Variants in QRFPR observed in about 807,000 individuals in gnomAD.
The protein encoded by QRFPR is pyroglutamylated RFamide peptide receptor.
QRFPR carries 37 observed loss-of-function variants against 31.3 expected under a neutral mutation model. The observed-to-expected ratio is 1.18, with a 90% CI of 0.91 to 1.56. QRFPR has a LOEUF of 1.56. Ranked by LOEUF, QRFPR falls within the 40% of genes most tolerant of loss-of-function variation. The probability of loss-of-function intolerance (pLI) is 0.00; values close to 1 mark genes in which losing one functional copy is unlikely to be tolerated. For missense variants in QRFPR, 542 were observed against 532.5 expected (o/e 1.02, Z -0.18); for synonymous variants, 197 against 192.0 (o/e 1.03, Z -0.22).
intron 1 of QRFPR, among the ~76,000 whole-genome samples, chr4:121,379,502 C>G (rs1726426743): frequency 6.6e-6 from 1 of 152,194 alleles, no homozygotes; most frequent in African/African-American, 2.4e-5. Flanking sequence ...TGGGTTTACA[C>G]CAGGGCATTC....
intron 4 of QRFPR, among the ~76,000 whole-genome samples, chr4:121,331,045 T>G (rs1182701080): frequency 1.3e-5 from 2 of 151,880 alleles, no homozygotes; most frequent in Non-Finnish European, 2.9e-5. Flanking sequence ...GCAGGAGAAT[T>G]TAGTGAGTCC....
In QRFPR at chr4:121,329,501, A is replaced by G; in HGVS notation, c.1109T>C (p.Met370Thr). 1 of 1,614,138 alleles carries G rather than the reference A, an allele frequency of 6.2e-7. No homozygotes were observed. The highest frequency in any genetic ancestry group is 8.5e-7 in the Non-Finnish European group (1 of 1,179,996). ...GAGGGAAAACTTTGCTTTCTTCCGC[A>G]TCATTGTAATTCCTGAATTTCCATG... The part of the protein sequence containing the change: ...QRHGNSGITM[M>T]RKKAKFSLRE... Residue 370 changes from methionine to threonine, a missense_variant, in exon 6 of 6, where the codon ATG becomes ACG. Physicochemically the swap from Met to Thr is moderately conservative, Grantham distance 81. Coordinates refer to ENST00000394427, the MANE Select transcript of QRFPR (RefSeq NM_198179.3).
At position 121,352,380 on chromosome 4, in the gene QRFPR, G is replaced by C. The variant is rs1269356064; in HGVS notation, c.341-11770C>G. 6.6e-5 allele frequency among the ~76,000 whole-genome samples: 10 copies of C among 151,980 alleles called. 1 individual carries two copies. Among genetic ancestry groups the C allele is most frequent in the Admixed American group, 6.6e-4 (10 of 15,244 alleles). ...TGTCACTTTGGCAAATAAGATGACT[G>C]CAGTATCTCCAAGCACTGCATCTCA... On this transcript the variant is annotated intron_variant, in intron 1 of 5. Coordinates refer to ENST00000394427, the MANE Select transcript of QRFPR (RefSeq NM_198179.3).
In QRFPR at chr4:121,340,628, G is replaced by T. The variant is rs1487646584; in HGVS notation, c.341-18C>A. 1.9e-6 allele frequency: 3 copies of T among 1,606,504 alleles called. No homozygotes were observed. Among genetic ancestry groups the T allele is most frequent in the Non-Finnish European group, 2.6e-6 (3 of 1,174,422 alleles). On this transcript the variant is annotated intron_variant, in intron 1 of 5. Transcript: ENST00000394427. ...GAAAGCACCTGCAGTAAGGAAATAG[G>T]ACAAATCATACATCAAAACAAAAAG...
intron 3 of QRFPR, among the ~76,000 whole-genome samples, chr4:121,335,313 G>A (rs909923489): frequency 5.3e-5 from 8 of 152,064 alleles, no homozygotes; most frequent in African/African-American, 1.4e-4. Context: ...TAGAACTAGA[G>A]TGAATCATTA....
intron 1 of QRFPR, among the ~76,000 whole-genome samples, chr4:121,340,879 GA>G (rs34321876): frequency 1.3e-5 from 2 of 152,196 alleles, no homozygotes; most frequent in African/African-American, 4.8e-5. Flanking sequence ...AGAAACAGTG[GA>G]AAAAAAGCAA....
Position 121,329,634 on chromosome 4 carries a change from T to C in QRFPR, c.976A>G (p.Ile326Val), listed in dbSNP as rs761393819. The C allele has an allele frequency of 6.2e-7, 1 of 1,606,524 alleles. No homozygotes were observed. The highest frequency in any genetic ancestry group is 8.5e-7 in the Non-Finnish European group (1 of 1,176,652). The change falls in exon 6 of 6, where the codon ATC becomes GTC. Residue 326 changes from isoleucine to valine, a missense_variant. Physicochemically the swap from Ile to Val is conservative, Grantham distance 29. Transcript: ENST00000394427. The stretch of plus-strand genomic sequence containing the variant: ...AATGCATAGACAATGGGATTACAGA[T>C]GGAGTTGGAAAATCCAATAATTTGC... ...IVQIIGFSNS[I>V]CNPIVYAFMN... is the part of the protein sequence containing the mutation.
intron 1 of QRFPR, among the ~76,000 whole-genome samples, chr4:121,341,274 G>C (rs1344488927): frequency 6.6e-6 from 1 of 152,142 alleles, no homozygotes; most frequent in African/African-American, 2.4e-5. Flanking sequence ...TTACCATTTG[G>C]ATTTGTGAGT....
intron 1 of QRFPR, chr4:121,369,994 A>G: frequency 1.3e-6 from 1 of 766,564 alleles, no homozygotes; most frequent in Non-Finnish European, 2.4e-6. Flanking sequence ...AAAATGCTGA[A>G]AGCTTTCCTG....
intron 1 of QRFPR, among the ~76,000 whole-genome samples, chr4:121,365,657 A>AT (rs1553947939): frequency 5.5e-5 from 1 of 18,104 alleles, no homozygotes; most frequent in Non-Finnish European, 9.9e-5. Context: ...ATTATATATT[A>AT]TATATATTTT....
At chr4:121,335,126 T>C (rs1725406738) in intron 3 of QRFPR, among the ~76,000 whole-genome samples, 1 of 152,208 alleles carries the variant, frequency 6.6e-6, no homozygotes, top group South Asian at 2.1e-4. Flanking sequence ...GCTTTGCCAA[T>C]GACATGACAT....
In QRFPR at chr4:121,380,823, G is replaced by A. The variant is rs77822644; in HGVS notation, c.-176C>T. On this transcript the variant is annotated 5_prime_UTR_variant, in exon 1 of 6. Coordinates refer to ENST00000394427, the MANE Select transcript of QRFPR (RefSeq NM_198179.3). ...CCGGGAGGTTCGGGAAAGGAGAGCA[G>A]CTCAGGGATCAAACCCACGATAAAG... 3.6e-5 allele frequency: 21 copies of A among 591,336 alleles called. No individual in the cohort carries two copies. Among genetic ancestry groups the A allele is most frequent in the Non-Finnish European group, 5.9e-5 (20 of 340,022 alleles). 36.6% of individuals were successfully genotyped at this position (591,336 alleles called of 1,614,324 possible).
At chr4:121,370,210 G>A (rs1303347130) in intron 1 of QRFPR, 2 of 774,618 alleles carry the variant, frequency 2.6e-6, no homozygotes, top group African/African-American at 1.7e-5. Context: ...TCTGATGGAG[G>A]AGGAGTCATG....
chr4:121,339,617 A>C (rs1725500025), intron 2 of QRFPR, among the ~76,000 whole-genome samples: 1 of 152,068 alleles, frequency 6.6e-6, no homozygotes, highest in Admixed American at 6.6e-5. Context: ...ACTTTTCTAA[A>C]ACCACATTTC....
chr4:121,332,843 T>C lies in QRFPR; in HGVS notation c.775A>G (p.Lys259Glu). 1 of 1,613,696 alleles carries C rather than the reference T, an allele frequency of 6.2e-7. No individual in the cohort carries two copies. Among genetic ancestry groups the C allele is most frequent in the Non-Finnish European group, 8.5e-7 (1 of 1,179,646 alleles). The stretch of plus-strand genomic sequence containing the variant: ...GACCTGGCTATTTTGGACATTTCTT[T>C]TCCATGAATAGTTCGAAGCACTGAA... Reference protein sequence around the residue: ...DGSVLRTIHGKEMSKIARKKK... With the variant: ...DGSVLRTIHGEEMSKIARKKK... The change falls in exon 4 of 6, where the codon AAA (lysine) becomes GAA (glutamate). Residue 259 changes from lysine (K) to glutamate (E), a missense_variant. Lys to Glu is a moderately conservative substitution (Grantham distance 56). Transcript: ENST00000394427.
At chr4:121,378,407 C>CTTTTT (rs34846492) in intron 1 of QRFPR, among the ~76,000 whole-genome samples, 3 of 100,926 alleles carry the variant, frequency 3.0e-5, no homozygotes, top group African/African-American at 4.3e-5. Flanking sequence ...GCTCACTGCA[C>CTTTTT]TTTTTTTTTT....
intron 1 of QRFPR, among the ~76,000 whole-genome samples, chr4:121,351,808 C>A (rs1320229128): frequency 1.3e-5 from 2 of 149,278 alleles, no homozygotes; most frequent in African/African-American, 2.5e-5. Context: ...CAGTTGTTCA[C>A]CAAAGATACA....
At chr4:121,352,089 C>T (rs1725771302) in intron 1 of QRFPR, among the ~76,000 whole-genome samples, 1 of 152,050 alleles carries the variant, frequency 6.6e-6, no homozygotes, top group Non-Finnish European at 1.5e-5. Context: ...TCATAATTCT[C>T]TCTGGCGGTT....
chr4:121,369,482 G>T, intron 1 of QRFPR: 1 of 1,184,232 alleles, frequency 8.4e-7, no homozygotes, highest in Non-Finnish European at 1.2e-6. Context: ...GAGATTATGT[G>T]CCCGTGGTGG....
Sources: gnomAD v4.1 joint callset for allele counts (sites outside exome capture counted in the v4.1 genomes callset) on GRCh38, gnomAD v4.1.1 for gene constraint, MANE v1.5 for transcripts, NCBI Gene and HGNC (gene_info 2026-07-23, HGNC 2026-07-21) for gene names.